CHUK: variants seen among roughly 807,000 people sequenced by gnomAD.
The protein encoded by CHUK is component of inhibitor of nuclear factor kappa B kinase complex.
Under a neutral mutation model 104.8 loss-of-function variants are expected in CHUK, and 35 were observed. That is an observed-to-expected ratio of 0.33 (90% CI 0.26 to 0.44). The LOEUF (loss-of-function observed/expected upper bound fraction) is 0.44. Ranked by LOEUF, CHUK falls within the 20% of genes least tolerant of loss-of-function variation. CHUK has a pLI of 1.00. For synonymous variants in CHUK, 276 were observed against 291.9 expected (o/e 0.95, Z 0.56); for missense variants, 663 against 902.7 (o/e 0.73, Z 3.40).
At chr10:100,215,314 T>TAGTTATAC (rs1286831380) in intron 9 of CHUK, among the ~76,000 whole-genome samples, 1 of 151,684 alleles carries the variant, frequency 6.6e-6, no homozygotes, top group African/African-American at 2.4e-5. Flanking sequence ...AACAGCCAGG[T>TAGTTATAC]AGTTATACAG....
intron 8 of CHUK, 66 bp from the exon 9 acceptor site, chr10:100,218,196 G>T: frequency 7.1e-7 from 1 of 1,405,126 alleles, no homozygotes; most frequent in Non-Finnish European, 1.0e-6. Flanking sequence ...TATACTGTTA[G>T]AAAGGTAATT....
chr10:100,199,054 C>T lies in CHUK; in HGVS notation c.1729+917G>A, dbSNP rs78050238. ...TTTTGCAGAAGAAGGAAATGGGAAACGCAGATTTGCCTGAGGTAACGGTCA... is the reference window on the plus strand; with the variant it reads ...TTTTGCAGAAGAAGGAAATGGGAAATGCAGATTTGCCTGAGGTAACGGTCA... On this transcript the variant is annotated intron_variant, in intron 16 of 20. Coordinates refer to ENST00000370397, the MANE Select transcript of CHUK (RefSeq NM_001278.5). 6.2e-3 allele frequency among the ~76,000 whole-genome samples: 951 copies of T among 152,210 alleles called. 18 individuals are homozygous for T. Among genetic ancestry groups the T allele is most frequent in the East Asian group, 0.06 (312 of 5,170 alleles).
In CHUK at chr10:100,200,704, T is replaced by C. The variant is rs373576121; in HGVS notation, c.1646A>G (p.Tyr549Cys). The C allele has an allele frequency of 1.0e-5, 16 of 1,599,738 alleles. No individual in the cohort carries two copies. The highest frequency in any genetic ancestry group is 2.2e-5 in the East Asian group (1 of 44,810). ...CATCAAGTCTCCCTGACGTCTTCCA[T>C]AGGGGCTCTTCTGTAGCTCCATGAT... Reference protein sequence around the residue: ...AEIMELQKSPYGRRQGDLMES... With the variant: ...AEIMELQKSPCGRRQGDLMES... The change falls in exon 15 of 21, where the codon TAT (tyrosine) becomes TGT (cysteine). Residue 549 changes from tyrosine (Y) to cysteine (C), a missense_variant. By Grantham distance (194) the Tyr-to-Cys change is radical. Coordinates refer to ENST00000370397, the MANE Select transcript of CHUK (RefSeq NM_001278.5).
chr10:100,204,934 C>A, intron 12 of CHUK, 142 bp downstream of exon 12: 1 of 979,644 alleles, frequency 1.0e-6, no homozygotes. Flanking sequence ...AAGAATTCTA[C>A]AAGTTTATCA....
intron 9 of CHUK, among the ~76,000 whole-genome samples, chr10:100,210,091 A>ATTTATTTT (rs58570772): frequency 3.4e-4 from 42 of 121,816 alleles, no homozygotes; most frequent in African/African-American, 7.2e-4. Context: ...TTATTTATTT[A>ATTTATTTT]TTTTTTTTTT....
rs368185202 is a variant in CHUK, at chr10:100,227,389, A to G, written c.106-1372T>C. The stretch of plus-strand genomic sequence containing the variant: ...AATGTTGTGTTATGTATACTTTACC[A>G]TAATAAAACAAAAAGTGATTAATTC... On this transcript the variant is annotated intron_variant, in intron 1 of 20. Coordinates refer to ENST00000370397, the MANE Select transcript of CHUK (RefSeq NM_001278.5). Among the ~76,000 whole-genome samples the G allele has an allele frequency of 2.6e-5, 4 of 152,314 alleles. No homozygotes were observed. In the East Asian group the frequency reaches 7.7e-4, roughly 29 times the overall value.
chr10:100,210,091 A>ATTTTTTTTTTTT (rs11436816), intron 9 of CHUK, among the ~76,000 whole-genome samples: 25 of 121,830 alleles, frequency 2.1e-4, no homozygotes, highest in African/African-American at 6.6e-4. Context: ...TTATTTATTT[A>ATTTTTTTTTTTT]TTTTTTTTTT....
intron 1 of CHUK, among the ~76,000 whole-genome samples, chr10:100,227,567 G>GT (rs1846133618): frequency 6.6e-6 from 1 of 150,384 alleles, no homozygotes; most frequent in South Asian, 2.1e-4. Flanking sequence ...TTTTTAGTGT[G>GT]TTATGTTCCC....
rs1589595644 is a variant in CHUK, at chr10:100,218,783, T to C, written c.732A>G (p.Ala244=). The C allele has an allele frequency of 6.2e-7, 1 of 1,613,996 alleles. No individual in the cohort carries two copies. The highest frequency in any genetic ancestry group is 8.5e-7 in the Non-Finnish European group (1 of 1,179,912). ...IKKKDPKCIF[A]CEEMSGEVRF... ...GAACTTCTCCTGACATCTCTTCACA[T>C]GCAAATATACACTTTGGATCCTTCT... Residue 244 remains alanine (A), a synonymous_variant, in exon 8 of 21, where the codon GCA becomes GCG. Transcript: ENST00000370397.
intron 10 of CHUK, among the ~76,000 whole-genome samples, chr10:100,208,568 G>A (rs12767445): frequency 6.6e-6 from 1 of 152,182 alleles, no homozygotes; most frequent in African/African-American, 2.4e-5. Context: ...TCAGGAGGCC[G>A]AGGTAGGCAG....
Position 100,194,066 on chromosome 10 carries a change from T to C in CHUK, c.1892A>G (p.Asn631Ser). 1 of 1,613,472 alleles carries C rather than the reference T, an allele frequency of 6.2e-7. No homozygotes were observed. Among genetic ancestry groups the C allele is most frequent in the African/African-American group, 1.3e-5 (1 of 75,036 alleles). The change falls in exon 18 of 21, where the codon AAT (asparagine) becomes AGT (serine). Residue 631 changes from asparagine to serine, a missense_variant. By Grantham distance (46) the Asn-to-Ser change is conservative. Transcript: ENST00000370397. The stretch of plus-strand genomic sequence containing the variant: ...GACAGTATTGTCAGCTTCTTTGATA[T>C]TACTGAGGGCCACTTCCACCTTAGG... ...LLPKVEVALS[N>S]IKEADNTVMF...
chr10:100,218,826 CT>C lies in CHUK; in HGVS notation c.690-2del. ...ATCCTTCTTCTTAATCTTCTCATGC[CT>C]ATAAAATCAAAAGCTACCTCAGTTG... On this transcript the variant is annotated splice_acceptor_variant, in intron 7 of 20. Transcript: ENST00000370397. LOFTEE classifies it high-confidence loss of function. The C allele has an allele frequency of 6.2e-7, 1 of 1,609,324 alleles. No homozygotes were observed. The highest frequency in any genetic ancestry group is 8.5e-7 in the Non-Finnish European group (1 of 1,175,900).
At chr10:100,211,498 T>C (rs913429407) in intron 9 of CHUK, among the ~76,000 whole-genome samples, 2 of 152,174 alleles carry the variant, frequency 1.3e-5, no homozygotes, top group African/African-American at 4.8e-5. Context: ...CCCGCATCCC[T>C]GCAGCCCCTG....
rs1845120962 is a variant in CHUK, at chr10:100,188,422, T to A, written c.*1176A>T. On this transcript the variant is annotated 3_prime_UTR_variant, in exon 21 of 21. Transcript: ENST00000370397. Reference sequence around the variant, plus strand: ...AAAAACTATTAGAATATAAAAGCATTTCACATTTTTTAAGACAAATAATAT... The same window carrying A: ...AAAAACTATTAGAATATAAAAGCATATCACATTTTTTAAGACAAATAATAT... 1 of 152,634 alleles carries A rather than the reference T, an allele frequency of 6.6e-6. No homozygotes were observed. Among genetic ancestry groups the A allele is most frequent in the African/African-American group, 2.4e-5 (1 of 41,436 alleles). 9.5% of individuals were successfully genotyped at this position (152,634 alleles called of 1,614,324 possible).
At chr10:100,188,254 G>A (rs1428514433), downstream of CHUK, 1 of 152,538 alleles carries the variant, frequency 6.6e-6, no homozygotes. Flanking sequence ...CCTAAGGAAA[G>A]TACAGTTATT....
At chr10:100,224,926 T>C (rs1284062300) in intron 2 of CHUK, among the ~76,000 whole-genome samples, 1 of 152,126 alleles carries the variant, frequency 6.6e-6, no homozygotes, top group East Asian at 1.9e-4. Context: ...CTCAGCTCAC[T>C]GTAGCCTTGA....
chr10:100,214,591 C>T lies in CHUK; in HGVS notation c.933+3404G>A, dbSNP rs532536876. 9.9e-5 allele frequency among the ~76,000 whole-genome samples: 15 copies of T among 152,214 alleles called. No homozygotes were observed. The South Asian group carries it at 2.9e-3, about 29-fold the overall frequency. On this transcript the variant is annotated intron_variant, in intron 9 of 20. Transcript: ENST00000370397. ...AAGCAGAAAAGTAGAAAGGGATGGG[C>T]ATAATCAGAGAATACAATTAATCCA...
intron 16 of CHUK, among the ~76,000 whole-genome samples, chr10:100,196,222 C>CT (rs1364105729): frequency 1.3e-5 from 2 of 152,126 alleles, no homozygotes; most frequent in Non-Finnish European, 2.9e-5. Context: ...CATCTTCAAC[C>CT]TTTTTATCCT....
intron 2 of CHUK, among the ~76,000 whole-genome samples, chr10:100,225,119 G>T (rs1191835176): frequency 1.3e-5 from 2 of 152,154 alleles, no homozygotes; most frequent in African/African-American, 4.8e-5. Flanking sequence ...CAAAGTGTTG[G>T]AATTACAGTG....
Sources: gnomAD v4.1 joint callset for allele counts (sites outside exome capture counted in the v4.1 genomes callset) on GRCh38, gnomAD v4.1.1 for gene constraint, MANE v1.5 for transcripts, NCBI Gene and HGNC (gene_info 2026-07-23, HGNC 2026-07-21) for gene names.